The following SSBP3 variants were observed in gnomAD, a reference collection of about 807,000 sequenced individuals.
The protein encoded by SSBP3 is single-stranded DNA-binding protein 3.
SSBP3 carries 5 observed loss-of-function variants against 69.6 expected under a neutral mutation model. The ratio of observed to expected loss-of-function variants is 0.07; its 90% CI spans 0.04 to 0.15. The LOEUF is 0.15. SSBP3 is among the 10% of genes least tolerant of loss of function. The pLI, the probability that SSBP3 is intolerant of heterozygous loss-of-function variation, is 1.00. For missense variants in SSBP3, 312 were observed against 534.0 expected, an observed-to-expected ratio of 0.58 and a Z score of 4.10; for synonymous variants, 196 against 193.4, an observed-to-expected ratio of 1.01 and a Z score of -0.11.
intron 5 of SSBP3, among the ~76,000 whole-genome samples, chr1:54,269,520 G>C (rs1019129117): frequency 2.6e-5 from 4 of 152,218 alleles, no homozygotes; most frequent in Non-Finnish European, 1.5e-5. Flanking sequence ...TAAGTTCCTT[G>C]GGATTGGCTA....
chr1:54,271,749 C>T (rs559202662), intron 5 of SSBP3, among the ~76,000 whole-genome samples: 47 of 152,244 alleles, frequency 3.1e-4, no homozygotes, highest in African/African-American at 9.4e-4. Context: ...AAACAAGAGA[C>T]GGGGCTTTTC....
chr1:54,283,975 G>A (rs1389293521), intron 4 of SSBP3, among the ~76,000 whole-genome samples: 1 of 152,080 alleles, frequency 6.6e-6, no homozygotes, highest in Non-Finnish European at 1.5e-5. Context: ...CTCCTCAGCA[G>A]CAAGAGCAAA....
At chr1:54,278,576 G>A (rs556374564) in intron 5 of SSBP3, among the ~76,000 whole-genome samples, 25 of 152,326 alleles carry the variant, frequency 1.6e-4, no homozygotes, top group Admixed American at 3.3e-4. Context: ...GTTGCTTACC[G>A]AGGGGCTGGG....
intron 6 of SSBP3, among the ~76,000 whole-genome samples, chr1:54,257,707 T>A (rs1174895470): frequency 1.3e-5 from 2 of 152,016 alleles, no homozygotes; most frequent in Admixed American, 6.5e-5. Flanking sequence ...CAGGAAAGCT[T>A]TCTCAGCAGC....
chr1:54,386,973 CCT>C (rs886466118), intron 4 of SSBP3, among the ~76,000 whole-genome samples: 3 of 152,070 alleles, frequency 2.0e-5, no homozygotes, highest in Non-Finnish European at 4.4e-5. Flanking sequence ...ACATTCTCCC[CCT>C]GACCCTCCAC....
chr1:54,321,805 C>T (rs142745094), intron 4 of SSBP3, among the ~76,000 whole-genome samples: 215 of 152,262 alleles, frequency 1.4e-3, no homozygotes, highest in African/African-American at 5.0e-3. Flanking sequence ...GAGCTGAAGT[C>T]GACCAGGCTC....
intron 4 of SSBP3, among the ~76,000 whole-genome samples, chr1:54,399,517 G>A (rs935181119): frequency 6.6e-6 from 1 of 152,204 alleles, no homozygotes; most frequent in African/African-American, 2.4e-5. Context: ...TGCCAACAGA[G>A]GCTTTGTATA....
At chr1:54,344,222 T>C (rs548958135) in intron 4 of SSBP3, among the ~76,000 whole-genome samples, 1 of 152,294 alleles carries the variant, frequency 6.6e-6, no homozygotes, top group South Asian at 2.1e-4. Context: ...ACAATATTAA[T>C]CTTTGAGAAG....
At chr1:54,304,412 G>C (rs1156353712) in intron 4 of SSBP3, among the ~76,000 whole-genome samples, 1 of 152,068 alleles carries the variant, frequency 6.6e-6, no homozygotes, top group Non-Finnish European at 1.5e-5. Flanking sequence ...GGGGTGGGGA[G>C]GGGGGCTCTC....
At chr1:54,241,658 G>T in intron 11 of SSBP3, 149 bp from the exon 12 acceptor site, 1 of 786,804 alleles carries the variant, frequency 1.3e-6, no homozygotes, top group Non-Finnish European at 2.1e-6. Context: ...GGAGGGCTGG[G>T]ACGTGGCTGA....
intron 5 of SSBP3, among the ~76,000 whole-genome samples, chr1:54,262,078 T>C (rs1471003843): frequency 6.6e-6 from 1 of 152,084 alleles, no homozygotes; most frequent in Non-Finnish European, 1.5e-5. Flanking sequence ...GATGAAGAAA[T>C]AGGGTTTGGA....
upstream of SSBP3, among the ~76,000 whole-genome samples, chr1:54,410,518 T>G (rs1484886162): frequency 6.6e-6 from 1 of 152,188 alleles, no homozygotes; most frequent in African/African-American, 2.4e-5. Flanking sequence ...AAGCTGAGTA[T>G]GCAGCCCACT....
chr1:54,345,353 G>A (rs1397525782), intron 4 of SSBP3, among the ~76,000 whole-genome samples: 1 of 152,114 alleles, frequency 6.6e-6, no homozygotes, highest in Non-Finnish European at 1.5e-5. Flanking sequence ...GCCTGGAAGA[G>A]AGGACACCAA....
intron 4 of SSBP3, among the ~76,000 whole-genome samples, chr1:54,397,207 CCAGCT>C (rs1199950400): frequency 6.6e-6 from 1 of 152,256 alleles, no homozygotes; most frequent in Non-Finnish European, 1.5e-5. Context: ...GCACACTCCC[CCAGCT>C]CTTTGCAGCC....
intron 4 of SSBP3, among the ~76,000 whole-genome samples, chr1:54,292,966 A>C (rs12040312): frequency 0.041 from 6,224 of 152,038 alleles, 390 homozygotes; most frequent in Admixed American, 0.18. Flanking sequence ...AGACTCTTGG[A>C]GGATGGTGAC....
chr1:54,355,088 T>G (rs543683179), intron 4 of SSBP3, among the ~76,000 whole-genome samples: 106 of 152,296 alleles, frequency 7.0e-4, no homozygotes, highest in Non-Finnish European at 1.4e-3. Context: ...CCTCACACAA[T>G]GGGAGGCTCT....
At chr1:54,266,860 T>G (rs1645111078) in intron 5 of SSBP3, among the ~76,000 whole-genome samples, 1 of 152,210 alleles carries the variant, frequency 6.6e-6, no homozygotes, top group Non-Finnish European at 1.5e-5. Flanking sequence ...TCTTGGCCAC[T>G]GCTCCCGAAT....
intron 4 of SSBP3, among the ~76,000 whole-genome samples, chr1:54,340,837 C>G (rs1271105635): frequency 6.6e-6 from 1 of 152,218 alleles, no homozygotes; most frequent in Non-Finnish European, 1.5e-5. Flanking sequence ...GGTACAGCCC[C>G]ACTGGCTAAG....
At chr1:54,243,388 G>C (rs1279954814) in intron 9 of SSBP3, 89 bp from the exon 10 acceptor site, 2 of 1,460,972 alleles carry the variant, frequency 1.4e-6, no homozygotes, top group Non-Finnish European at 1.9e-6. Context: ...AACATAGTGA[G>C]AGGGTTAGTC....
Sources: allele counts gnomAD v4.1 joint callset (sites outside exome capture counted in the v4.1 genomes callset), GRCh38; gene constraint gnomAD v4.1.1; transcripts MANE v1.5; gene names NCBI Gene and HGNC (gene_info 2026-07-23, HGNC 2026-07-21).